The following LTBR variants were observed in gnomAD, a reference collection of about 807,000 sequenced individuals.
The protein encoded by LTBR is lymphotoxin beta receptor.
Under a neutral mutation model 45.4 loss-of-function variants are expected in LTBR, and 15 were observed. The ratio of observed to expected loss-of-function variants is 0.33; its 90% CI spans 0.22 to 0.51. The LOEUF (loss-of-function observed/expected upper bound fraction) is 0.51. Among genes scored for constraint, LTBR ranks in the 20% least tolerant of loss-of-function variants. LTBR has a pLI of 0.97. For missense variants in LTBR, 450 were observed against 565.5 expected (o/e 0.80, Z 2.07); for synonymous variants, 228 against 231.0 (o/e 0.99, Z 0.12).
Position 6,386,468 on chromosome 12 carries a change from A to AGGG in LTBR, c.667+24_667+25insGGG. On this transcript the variant is annotated intron_variant, in intron 6 of 9. Transcript: ENST00000228918. The surrounding 1 kb of genome is among the most constrained non-coding windows in gnomAD (Gnocchi z 4.1). ...AGGTGAGGGACCAGGGCTGAGGGAC[A>AGGG]CGGGGGGGGCGCCTCTGAAAATGCC... 13 of 1,162,738 alleles carry AGGG rather than the reference A, an allele frequency of 1.1e-5. No individual in the cohort carries two copies. The highest frequency in any genetic ancestry group is 2.3e-5 in the Admixed American group (1 of 43,638). The allele number at this position is 1,162,738 out of a possible 1,614,324, so 72.0% of individuals were successfully genotyped here. A position where few individuals can be genotyped will look rare whatever the true frequency, so the allele number is the denominator to read the frequency against.
At chr12:6,387,951 C>T in intron 6 of LTBR, 1 of 404,620 alleles carries the variant, frequency 2.5e-6, no homozygotes, top group South Asian at 1.7e-5. Flanking sequence ...TCTACAGCAG[C>T]CCCTCTGTAC....
At chr12:6,379,788 T>C (rs1384442669), upstream of LTBR, among the ~76,000 whole-genome samples, 2 of 151,438 alleles carry the variant, frequency 1.3e-5, no homozygotes. Context: ...AAAAATTAGC[T>C]GGGCATAAGT....
rs1420451291 is a variant in LTBR, at chr12:6,385,388, T to C, written c.472+9T>C. 3.7e-6 allele frequency: 6 copies of C among 1,613,408 alleles called. No homozygotes were observed. In the African/African-American group the frequency reaches 8.0e-5, roughly 22 times the overall value. On this transcript the variant is annotated intron_variant, in intron 4 of 9. Coordinates refer to ENST00000228918, the MANE Select transcript of LTBR (RefSeq NM_002342.3). Reference sequence around the variant, plus strand: ...TGAAGCCGAGCTCAAAGGTCAGAGGTCCCTGAGGGGCTGGATGTGAAAAGG... The same window carrying C: ...TGAAGCCGAGCTCAAAGGTCAGAGGCCCCTGAGGGGCTGGATGTGAAAAGG...
chr12:6,384,921 G>GA (rs1370396200), intron 2 of LTBR, 101 bp from the exon 3 acceptor site: 5 of 1,484,054 alleles, frequency 3.4e-6, no homozygotes, highest in Non-Finnish European at 3.7e-6. Context: ...GATGATGGGG[G>GA]GCCAGAGAGA....
rs1046538300 is a variant in LTBR at position 6,384,453 on chromosome 12, C to T, written c.95C>T (p.Ala32Val). ...FGLLAASQPQ[A>V]VPPYASENQT... ...CTCCTGGCAGCATCGCAGCCCCAGGCGGTGAGGAAGGGGCCTGGTAGGAGT... is the reference window on the plus strand; with the variant it reads ...CTCCTGGCAGCATCGCAGCCCCAGGTGGTGAGGAAGGGGCCTGGTAGGAGT... Residue 32 changes from alanine (A) to valine (V), a missense_variant and splice_region_variant, in exon 1 of 10, where the codon GCG becomes GTG. Transcript: ENST00000228918. 2 of 1,556,196 alleles carry T rather than the reference C, an allele frequency of 1.3e-6. No homozygotes were observed. The highest frequency in any genetic ancestry group is 1.4e-5 in the African/African-American group (1 of 73,804).
chr12:6,388,795 T>C lies in LTBR; in HGVS notation c.776-5T>C. The C allele has an allele frequency of 6.2e-7, 1 of 1,614,112 alleles. No individual in the cohort carries two copies. The highest frequency in any genetic ancestry group is 8.5e-7 in the Non-Finnish European group (1 of 1,180,006). On this transcript the variant is annotated splice_polypyrimidine_tract_variant and splice_region_variant and intron_variant, in intron 7 of 9. Coordinates refer to ENST00000228918, the MANE Select transcript of LTBR (RefSeq NM_002342.3). This position sits in a 1 kb window ranked among gnomAD's most constrained non-coding sequence, Gnocchi z 4.3. ...AGCCTACACCCATTTCATTCTCCAT[T>C]GCAGGATCGCTGCTCAAGAGGCGTC...
intron 1 of LTBR, chr12:6,377,275 C>T: frequency 1.3e-6 from 2 of 1,550,656 alleles, no homozygotes; most frequent in South Asian, 2.4e-5. Flanking sequence ...ATGATACCTC[C>T]CCTTGGAAGG....
At chr12:6,376,268 G>T (rs2136918108) in intron 1 of LTBR, 3 of 849,634 alleles carry the variant, frequency 3.5e-6, no homozygotes, top group Non-Finnish European at 4.2e-6. Flanking sequence ...CTCCAACCTT[G>T]TCCAGACCCG....
Position 6,386,267 on chromosome 12 carries a change from A to T in LTBR, c.570-80A>T. On this transcript the variant is annotated intron_variant, in intron 5 of 9. Transcript: ENST00000228918. This position sits in a 1 kb window ranked among gnomAD's most constrained non-coding sequence, Gnocchi z 4.1. ...ACCACGGACTCGACTCACCACTTTCAGCCTCCCCGCCTGCCCAGTGGAGTC... is the reference window on the plus strand; with the variant it reads ...ACCACGGACTCGACTCACCACTTTCTGCCTCCCCGCCTGCCCAGTGGAGTC... 6.7e-7 allele frequency: 1 copy of T among 1,489,704 alleles called. No homozygotes were observed. Among genetic ancestry groups the T allele is most frequent in the South Asian group, 1.1e-5 (1 of 87,978 alleles). The allele number at this position is 1,489,704 out of a possible 1,614,324, so 92.3% of individuals were successfully genotyped here.
At chr12:6,384,107 C>A, upstream of LTBR, 1 of 1,258,388 alleles carries the variant, frequency 7.9e-7, no homozygotes, top group Non-Finnish European at 1.0e-6. Flanking sequence ...GCGATTGCGA[C>A]AGGCCGGCCT....
chr12:6,385,818 T>A (rs1168232909), intron 4 of LTBR: 2 of 377,244 alleles, frequency 5.3e-6, no homozygotes, highest in Non-Finnish European at 9.4e-6. Context: ...GGCAGGAGAA[T>A]GGCGTGAACT....
At chr12:6,382,781 C>G (rs3759333), upstream of LTBR, among the ~76,000 whole-genome samples, 5 of 152,014 alleles carry the variant, frequency 3.3e-5, no homozygotes, top group Admixed American at 3.3e-4. Context: ...AGTGTAAGGA[C>G]GAGTGCTGAA....
intron 2 of LTBR, 83 bp downstream of exon 2, chr12:6,384,767 TGGGCA>T: frequency 1.5e-6 from 2 of 1,334,004 alleles, no homozygotes; most frequent in Non-Finnish European, 2.1e-6. Context: ...AGAGGGAAGG[TGGGCA>T]CTGTCCCCCA....
At chr12:6,382,260 A>G (rs1948991873), upstream of LTBR, among the ~76,000 whole-genome samples, 2 of 152,236 alleles carry the variant, frequency 1.3e-5, no homozygotes, top group African/African-American at 4.8e-5. Flanking sequence ...TTACTTCAAA[A>G]TAATAATGAG....
intron 4 of LTBR, 128 bp downstream of exon 4, chr12:6,385,507 A>C: frequency 9.2e-5 from 105 of 1,137,898 alleles, no homozygotes; most frequent in East Asian, 2.6e-4. Flanking sequence ...TCCTCTTCTC[A>C]TTCCATGCAG....
At chr12:6,384,049 C>T (rs1648134545), upstream of LTBR, 9 of 1,205,142 alleles carry the variant, frequency 7.5e-6, 1 homozygote, top group South Asian at 3.6e-4. Context: ...CCGGCCGCCC[C>T]TCCCGCCCCG....
intron 1 of LTBR, chr12:6,377,284 G>A: frequency 2.6e-6 from 4 of 1,549,894 alleles, no homozygotes; most frequent in Non-Finnish European, 3.5e-6. Flanking sequence ...CCCCTTGGAA[G>A]GGACAGCTGG....
At chr12:6,377,557 G>T (rs1948932188) in intron 1 of LTBR, 3 of 881,128 alleles carry the variant, frequency 3.4e-6, no homozygotes, top group African/African-American at 1.7e-5. Context: ...TGCTCTCTGG[G>T]TGCTGGGTTA....
chr12:6,384,555 T>C (rs1356451251), intron 1 of LTBR, 33 bp from the exon 2 acceptor site: 1 of 1,611,796 alleles, frequency 6.2e-7, no homozygotes, highest in South Asian at 1.1e-5. Context: ...CCCTGACTAA[T>C]TCTTCTCTCC....
Sources: gnomAD v4.1 joint callset for allele counts (sites outside exome capture counted in the v4.1 genomes callset) on GRCh38, gnomAD v4.1.1 for gene constraint, Gnocchi (gnomAD v3.1) non-coding constraint, MANE v1.5 for transcripts, NCBI Gene and HGNC (gene_info 2026-07-23, HGNC 2026-07-21) for gene names.